The following TENM3 variants were observed in gnomAD, a reference collection of about 807,000 sequenced individuals.
The protein encoded by TENM3 is teneurin-3.
In TENM3, 63 loss-of-function variants were observed where a neutral mutation model predicts 255.1. The ratio of observed to expected loss-of-function variants is 0.25; its 90% CI spans 0.20 to 0.30. The LOEUF (loss-of-function observed/expected upper bound fraction) is 0.30. Ranked by LOEUF, TENM3 falls within the 10% of genes least tolerant of loss-of-function variation. The probability of loss-of-function intolerance (pLI) is 1.00; values close to 1 mark genes in which losing one functional copy is unlikely to be tolerated. For missense variants in TENM3, 2,929 were observed against 3,461.1 expected, an observed-to-expected ratio of 0.85 and a Z score of 3.86; for synonymous variants, 1,306 against 1,322.3, an observed-to-expected ratio of 0.99 and a Z score of 0.27.
At chr4:182,294,716 T>C (rs1761353325) in intron 1 of TENM3, among the ~76,000 whole-genome samples, 1 of 152,230 alleles carries the variant, frequency 6.6e-6, no homozygotes, top group South Asian at 2.1e-4. Flanking sequence ...GCTTTGCATT[T>C]ACCAAGAACG....
chr4:181,591,820 G>C, the TENM3 span, among the ~76,000 whole-genome samples: 2,207 of 152,226 alleles, frequency 0.014, 31 homozygotes, highest in South Asian at 0.05. Flanking sequence ...TGTCTGCCAC[G>C]AAACCAGTCC....
the TENM3 span, among the ~76,000 whole-genome samples, chr4:181,919,036 T>C: frequency 6.6e-6 from 1 of 152,160 alleles, no homozygotes; most frequent in Non-Finnish European, 1.5e-5. Context: ...AGCAATGCCA[T>C]AGGTGCCAAA....
At chr4:181,787,787 C>T in the TENM3 span, among the ~76,000 whole-genome samples, 1 of 152,072 alleles carries the variant, frequency 6.6e-6, no homozygotes, top group Non-Finnish European at 1.5e-5. Flanking sequence ...GCCGAACCAA[C>T]GTATACCTTC....
chr4:181,907,046 T>G, the TENM3 span, among the ~76,000 whole-genome samples: 3 of 152,066 alleles, frequency 2.0e-5, no homozygotes, highest in Admixed American at 2.0e-4. Flanking sequence ...ACCCAGCACA[T>G]GCCACCGCAC....
At chr4:182,552,431 C>T (rs551825158) in intron 3 of TENM3, among the ~76,000 whole-genome samples, 1 of 152,308 alleles carries the variant, frequency 6.6e-6, no homozygotes, top group South Asian at 2.1e-4. Context: ...GTTTCCTACC[C>T]TCCAGGATAT....
chr4:182,219,328 G>A (rs1755710549), intron 1 of TENM3, among the ~76,000 whole-genome samples: 1 of 152,162 alleles, frequency 6.6e-6, no homozygotes, highest in African/African-American at 2.4e-5. Context: ...TTTGAAGGTT[G>A]TCATCAAATA....
chr4:182,192,218 C>T (rs991861246), intron 1 of TENM3, among the ~76,000 whole-genome samples: 7 of 152,142 alleles, frequency 4.6e-5, no homozygotes, highest in Non-Finnish European at 8.8e-5. Context: ...AACATACATA[C>T]GTAGCAGAGT....
chr4:182,703,684 G>T (rs1268799247), intron 12 of TENM3, among the ~76,000 whole-genome samples: 2 of 152,150 alleles, frequency 1.3e-5, no homozygotes, highest in African/African-American at 4.8e-5. Context: ...AAATCATAAT[G>T]TATCCTAGGT....
At chr4:182,064,366 C>T in the TENM3 span, among the ~76,000 whole-genome samples, 7 of 152,028 alleles carry the variant, frequency 4.6e-5, no homozygotes, top group Non-Finnish European at 8.8e-5. Context: ...ATCACGAGGT[C>T]AGGAGATCCA....
At chr4:181,542,364 A>G in the TENM3 span, among the ~76,000 whole-genome samples, 1 of 152,176 alleles carries the variant, frequency 6.6e-6, no homozygotes, top group African/African-American at 2.4e-5. Flanking sequence ...TCCAGCCATG[A>G]TAGAAAGTTT....
At chr4:182,680,443 G>GA in intron 9 of TENM3, 94 bp downstream of exon 9, 1 of 1,393,338 alleles carries the variant, frequency 7.2e-7, no homozygotes, top group Non-Finnish European at 1.0e-6. Flanking sequence ...AGAAAGGGGG[G>GA]GGGAGACTGG....
the TENM3 span, among the ~76,000 whole-genome samples, chr4:181,756,518 G>A: frequency 6.6e-6 from 1 of 152,330 alleles, no homozygotes; most frequent in Admixed American, 6.5e-5. Context: ...GATGGCCTGT[G>A]CAGGCAACAG....
intron 3 of TENM3, among the ~76,000 whole-genome samples, chr4:182,529,169 C>T (rs370601470): frequency 2.6e-5 from 4 of 152,002 alleles, no homozygotes; most frequent in East Asian, 3.9e-4. Flanking sequence ...AAAGGAAGAA[C>T]GTCTTATATA....
upstream of TENM3, among the ~76,000 whole-genome samples, chr4:182,239,660 A>C (rs1401119472): frequency 6.6e-6 from 1 of 152,324 alleles, no homozygotes; most frequent in Admixed American, 6.5e-5. Context: ...GTTAGAAAAG[A>C]TTTCAAACCA....
rs143094783 is a variant in TENM3, at chr4:182,301,413, C to G, written c.-75-22533C>G. 2.1e-3 allele frequency among the ~76,000 whole-genome samples: 322 copies of G among 152,312 alleles called. 1 individual carries two copies. The highest frequency in any genetic ancestry group is 7.2e-3 in the African/African-American group (299 of 41,570). Reference sequence around the variant, plus strand: ...CTTTTATTCCATCCACTTCCTCCCCCCATTCAGCACAAGGTACGGTTTTGA... The same window carrying G: ...CTTTTATTCCATCCACTTCCTCCCCGCATTCAGCACAAGGTACGGTTTTGA... On this transcript the variant is annotated intron_variant, in intron 1 of 27. Coordinates refer to ENST00000511685, the MANE Select transcript of TENM3 (RefSeq NM_001080477.4).
the TENM3 span, among the ~76,000 whole-genome samples, chr4:181,480,724 T>C: frequency 1.5e-4 from 23 of 150,826 alleles, no homozygotes; most frequent in Non-Finnish European, 3.1e-4. Context: ...AAACCACGCA[T>C]ATAGTTTTAA....
At chr4:181,640,261 C>T in the TENM3 span, among the ~76,000 whole-genome samples, 1 of 152,196 alleles carries the variant, frequency 6.6e-6, no homozygotes, top group Non-Finnish European at 1.5e-5. Flanking sequence ...TGTGCATCAA[C>T]AAGCTCTCCA....
intron 3 of TENM3, among the ~76,000 whole-genome samples, chr4:182,439,266 T>C (rs999276394): frequency 1.3e-5 from 2 of 152,188 alleles, no homozygotes; most frequent in Non-Finnish European, 2.9e-5. Flanking sequence ...CTCCCTTCTC[T>C]CCTCTTTTTA....
the TENM3 span, among the ~76,000 whole-genome samples, chr4:181,596,902 AG>A: frequency 1.3e-5 from 2 of 151,712 alleles, no homozygotes; most frequent in Non-Finnish European, 2.9e-5. Context: ...AGACACTTAG[AG>A]GGGAGCAACA....
Sources: gnomAD v4.1 joint callset for allele counts (sites outside exome capture counted in the v4.1 genomes callset) on GRCh38, gnomAD v4.1.1 for gene constraint, MANE v1.5 for transcripts, NCBI Gene and HGNC (gene_info 2026-07-23, HGNC 2026-07-21) for gene names.